The following ZNF582 variants were observed in gnomAD, a reference collection of about 807,000 sequenced individuals.
ZNF582 encodes the protein zinc finger protein 582.
In ZNF582, 14 loss-of-function variants were observed where a neutral mutation model predicts 12.3. The observed-to-expected ratio is 1.14, with a 90% CI of 0.75 to 1.78. ZNF582 has a LOEUF of 1.78. ZNF582 is among the 40% of genes most tolerant of loss of function. The probability of loss-of-function intolerance (pLI) is 0.00; values close to 1 mark genes in which losing one functional copy is unlikely to be tolerated. For synonymous variants in ZNF582, 210 were observed against 207.2 expected (o/e 1.01, Z -0.11); for missense variants, 567 against 616.5 (o/e 0.92, Z 0.85).
chr19:56,391,747 G>A (rs760879848), exon 2 of ZNF582: 2 of 1,613,320 alleles, frequency 1.2e-6, no homozygotes, highest in Non-Finnish European at 8.5e-7. Context: ...AACTCACAAG[G>A]GACATGACTT....
In ZNF582 at chr19:56,392,660, T is replaced by G. The variant is rs114872795; in HGVS notation, c.-81+560A>C. ...GCAAAGATATTAACTACTGAATCCTTTGAGAACATTCAGCAAAAAGAAGTC... is the reference window on the plus strand; with the variant it reads ...GCAAAGATATTAACTACTGAATCCTGTGAGAACATTCAGCAAAAAGAAGTC... On this transcript the variant is annotated intron_variant, in intron 1 of 4. Transcript: ENST00000586929. Among the ~76,000 whole-genome samples the G allele has an allele frequency of 5.6e-3, 853 of 152,234 alleles. 3 individuals are homozygous for G. Among genetic ancestry groups the G allele is most frequent in the African/African-American group, 0.018 (768 of 41,532 alleles).
Position 56,391,834 on chromosome 19 carries a change from T to C in ZNF582, c.-80-2A>G. 2 of 1,613,570 alleles carry C rather than the reference T, an allele frequency of 1.2e-6. No individual in the cohort carries two copies. The highest frequency in any genetic ancestry group is 1.7e-6 in the Non-Finnish European group (2 of 1,179,784). ...GGGCAGAGTCCTGCGACGGTAGAGC[T>C]GGGGGAGGAAAGAGCAAACATGAGA... On this transcript the variant is annotated splice_acceptor_variant, in intron 1 of 4. Coordinates refer to ENST00000586929, the Ensembl canonical transcript of ZNF582. LOFTEE classifies it low-confidence loss of function (5UTR_SPLICE).
In ZNF582 at chr19:56,390,522, G is replaced by GAT. The variant is rs753273600; in HGVS notation, c.10-23_10-22dup. On this transcript the variant is annotated intron_variant, in intron 2 of 4. Transcript: ENST00000586929. ...GACCCCTGGAATGACAGGCATGTATGATATATATGTATTTCAATGGTTCAC... is the reference window on the plus strand; with the variant it reads ...GACCCCTGGAATGACAGGCATGTATGATATATATATGTATTTCAATGGTTCAC... 19 of 1,613,716 alleles carry GAT rather than the reference G, an allele frequency of 1.2e-5. No individual in the cohort carries two copies. In the South Asian group the frequency reaches 2.0e-4, roughly 17 times the overall value.
Position 56,391,725 on chromosome 19 carries a change from A to G in ZNF582, c.9+19T>C, listed in dbSNP as rs762175203. 2.5e-6 allele frequency: 4 copies of G among 1,607,854 alleles called. No homozygotes were observed. The highest frequency in any genetic ancestry group is 1.3e-5 in the African/African-American group (1 of 74,796). On this transcript the variant is annotated intron_variant, in intron 2 of 4. Coordinates refer to ENST00000586929, the Ensembl canonical transcript of ZNF582. The stretch of plus-strand genomic sequence containing the variant: ...TTCAAGATAAGGAAAGCAAATATTT[A>G]TGGGATTTAAAAACTCACAAGGGAC...
chr19:56,392,746 C>G (rs1055559429), intron 1 of ZNF582, among the ~76,000 whole-genome samples: 1 of 152,122 alleles, frequency 6.6e-6, no homozygotes, highest in Non-Finnish European at 1.5e-5. Flanking sequence ...GAAAAAACAC[C>G]CAAGTATTCG....
At chr19:56,391,826 G>T in exon 2 of ZNF582, 1 of 1,613,824 alleles carries the variant, frequency 6.2e-7, no homozygotes, top group Non-Finnish European at 8.5e-7. Flanking sequence ...GTCCTGCGAC[G>T]GTAGAGCTGG....
intron 4 of ZNF582, among the ~76,000 whole-genome samples, chr19:56,389,385 T>C (rs754573475): frequency 6.6e-6 from 1 of 152,154 alleles, no homozygotes; most frequent in Non-Finnish European, 1.5e-5. Flanking sequence ...GGGACATGGA[T>C]GGAGCTGGAA....
chr19:56,384,597 G>C, exon 5 of ZNF582: 1 of 1,612,654 alleles, frequency 6.2e-7, no homozygotes, highest in Non-Finnish European at 8.5e-7. Flanking sequence ...TGAGTTCGCT[G>C]ATGTTCAATC....
At chr19:56,389,787 C>A (rs978706096) in intron 4 of ZNF582, among the ~76,000 whole-genome samples, 1 of 152,182 alleles carries the variant, frequency 6.6e-6, no homozygotes, top group Admixed American at 6.5e-5. Flanking sequence ...TGTACTCAGT[C>A]TAGCCCTATA....
exon 5 of ZNF582, chr19:56,383,905 G>T: frequency 6.2e-7 from 1 of 1,602,520 alleles, no homozygotes; most frequent in Non-Finnish European, 8.5e-7. Flanking sequence ...TCATATGGTT[G>T]CTTGCCAACA....
chr19:56,391,468 T>C (rs111571398), intron 2 of ZNF582, among the ~76,000 whole-genome samples: 394 of 152,318 alleles, frequency 2.6e-3, no homozygotes, highest in African/African-American at 8.9e-3. Flanking sequence ...TCATTCCATC[T>C]CTTCAAACTT....
At chr19:56,388,912 C>T (rs1214842599) in intron 4 of ZNF582, among the ~76,000 whole-genome samples, 4 of 152,182 alleles carry the variant, frequency 2.6e-5, no homozygotes, top group Admixed American at 6.5e-5. Flanking sequence ...CCACCATGCC[C>T]GGCCCCTAGT....
chr19:56,391,879 T>G (rs1218967299), intron 1 of ZNF582, 47 bp from the exon 2 acceptor site: 1 of 1,538,592 alleles, frequency 6.5e-7, no homozygotes, highest in African/African-American at 1.4e-5. Context: ...TGCCTCACAG[T>G]TCCTAGAATG....
intron 1 of ZNF582, 75 bp downstream of exon 1, chr19:56,393,145 A>AC: frequency 8.3e-7 from 1 of 1,209,470 alleles, no homozygotes; most frequent in Non-Finnish European, 1.1e-6. Flanking sequence ...CAGATTAAAA[A>AC]AAAAAAAAGG....
At chr19:56,386,523 A>T (rs1568785065) in intron 4 of ZNF582, 2 of 152,354 alleles carry the variant, frequency 1.3e-5, no homozygotes, top group East Asian at 1.9e-4. Flanking sequence ...GGGTCCTTCT[A>T]GAGCAACATA....
intron 2 of ZNF582, 93 bp downstream of exon 2, chr19:56,391,651 A>C: frequency 8.8e-7 from 1 of 1,132,102 alleles, no homozygotes; most frequent in Non-Finnish European, 1.3e-6. Context: ...ATTCCCTAAA[A>C]TGGGAAAGTC....
chr19:56,390,117 G>T (rs758441007), intron 3 of ZNF582, 21 bp from the exon 4 acceptor site: 1 of 1,610,688 alleles, frequency 6.2e-7, no homozygotes, highest in Admixed American at 1.7e-5. Flanking sequence ...GAAGAAACAT[G>T]CCACCTGGTT....
rs1568784064 is a variant in ZNF582, at chr19:56,385,159, CTTGG to C, written c.254_257del (p.Thr85ArgfsTer19). 1 of 1,605,556 alleles carries C rather than the reference CTTGG, an allele frequency of 6.2e-7. No individual in the cohort carries two copies. ...AAACATGCTGCTTTGGAAATAATTC[CTTGG>C]TATCATATCTGGACTCCAATACTAA... On this transcript the variant is annotated frameshift_variant, in exon 5 of 5. Transcript: ENST00000586929. LOFTEE classifies it low-confidence loss of function (END_TRUNC).
chr19:56,390,374 C>A lies in ZNF582; in HGVS notation c.136+1G>T, dbSNP rs200165265. The A allele has an allele frequency of 3.7e-4, 592 of 1,614,172 alleles. No individual in the cohort carries two copies. The highest frequency in any genetic ancestry group is 4.5e-4 in the Non-Finnish European group (528 of 1,180,034). Reference sequence around the variant, plus strand: ...CAAACTAACAGACGAGATCACCTTACCCAGTGAGACCAGGTTGCTGTAGGT... The same window carrying A: ...CAAACTAACAGACGAGATCACCTTAACCAGTGAGACCAGGTTGCTGTAGGT... On this transcript the variant is annotated splice_donor_variant, in intron 3 of 4. Coordinates refer to ENST00000586929, the Ensembl canonical transcript of ZNF582. LOFTEE classifies it high-confidence loss of function.
Sources: gnomAD v4.1 joint callset for allele counts (sites outside exome capture counted in the v4.1 genomes callset) on GRCh38, gnomAD v4.1.1 for gene constraint, MANE v1.5 for transcripts, NCBI Gene and HGNC (gene_info 2026-07-23, HGNC 2026-07-21) for gene names.